The following NAV1 variants were observed in gnomAD, a reference collection of about 807,000 sequenced individuals.
NAV1 encodes the protein pore membrane and/or filament interacting like protein 3.
A neutral mutation model predicts 175.2 loss-of-function variants in NAV1; 18 were observed. The ratio of observed to expected loss-of-function variants is 0.10; its 90% confidence interval spans 0.07 to 0.15. NAV1 has a LOEUF of 0.15. Among genes scored for constraint, NAV1 ranks in the 10% least tolerant of loss-of-function variants. NAV1 has a pLI of 1.00. For missense variants in NAV1, 1,731 were observed against 2,436.6 expected (o/e 0.71, Z 6.10); for synonymous variants, 897 against 978.7 (o/e 0.92, Z 1.56).
rs144213125 is a variant in NAV1, at chr1:201,759,609, A to T, written c.1227-20812A>T. 1.2e-3 allele frequency among the ~76,000 whole-genome samples: 176 copies of T among 152,332 alleles called. 1 individual carries two copies. Among genetic ancestry groups the T allele is most frequent in the Admixed American group, 4.5e-3 (69 of 15,300 alleles). On this transcript the variant is annotated intron_variant, in intron 3 of 29. Transcript: ENST00000367296. ...ATGCTTGTCCAGCAATGCAGAGGTT[A>T]TGCTGGTTATGCTTGACTGGATGGG...
At position 201,788,423 on chromosome 1, in the gene NAV1, G is replaced by T; in HGVS notation, c.2996-45G>T. 1 of 1,608,866 alleles carries T rather than the reference G, an allele frequency of 6.2e-7. No individual in the cohort carries two copies. Among genetic ancestry groups the T allele is most frequent in the Non-Finnish European group, 8.5e-7 (1 of 1,177,182 alleles). On this transcript the variant is annotated intron_variant, in intron 9 of 29. Coordinates refer to ENST00000367296, the Ensembl canonical transcript of NAV1. The surrounding 1 kb of genome is among the most constrained non-coding windows in gnomAD (Gnocchi z 5.7). ...AGCTGATGACCCTGCCTCTTTTCCT[G>T]CCCTCCTGCTCCCTCTCCTGTCCCC...
chr1:201,757,496 C>T (rs890017554), intron 3 of NAV1, among the ~76,000 whole-genome samples: 2 of 152,194 alleles, frequency 1.3e-5, no homozygotes, highest in African/African-American at 4.8e-5. Context: ...TCGAGCGATT[C>T]TTCTGCTTTT....
chr1:201,729,361 G>T (rs1250697451), intron 3 of NAV1, among the ~76,000 whole-genome samples: 1 of 152,210 alleles, frequency 6.6e-6, no homozygotes, highest in Admixed American at 6.5e-5. Flanking sequence ...AATACACTTG[G>T]TGGCCAGGCA....
chr1:201,691,639 C>T (rs951301428), intron 1 of NAV1, among the ~76,000 whole-genome samples: 1 of 152,214 alleles, frequency 6.6e-6, no homozygotes, highest in African/African-American at 2.4e-5. Flanking sequence ...AGCCCAGTCC[C>T]TGTTCCATGG....
exon 1 of NAV1, chr1:201,623,161 G>T (rs1401746030): frequency 1.0e-6 from 1 of 986,014 alleles, no homozygotes; most frequent in Non-Finnish European, 1.2e-6. Flanking sequence ...TGAGGATGGG[G>T]AAGGCCCCTT....
chr1:201,823,533 A>T (rs964587613), exon 30 of NAV1: 4 of 152,190 alleles, frequency 2.6e-5, no homozygotes, highest in Non-Finnish European at 5.9e-5. Context: ...TTAAGTACCC[A>T]TGTCTTTTTC....
chr1:201,630,262 A>G (rs185876516), intron 2 of NAV1, among the ~76,000 whole-genome samples: 6 of 152,354 alleles, frequency 3.9e-5, no homozygotes, highest in African/African-American at 1.4e-4. Context: ...CCAGGGGTAC[A>G]TGAGGCTGCA....
chr1:201,614,493 G>A (rs1667945408), intron 2 of NAV1, among the ~76,000 whole-genome samples: 1 of 152,206 alleles, frequency 6.6e-6, no homozygotes, highest in Non-Finnish European at 1.5e-5. Flanking sequence ...ACTGGTGCTC[G>A]CCTTCCTTTC....
chr1:201,600,565 G>A (rs903391230), intron 2 of NAV1, among the ~76,000 whole-genome samples: 1 of 152,178 alleles, frequency 6.6e-6, no homozygotes, highest in African/African-American at 2.4e-5. Flanking sequence ...TCTAAAATTA[G>A]GGGAAACTGG....
intron 2 of NAV1, among the ~76,000 whole-genome samples, chr1:201,611,088 T>G (rs932747562): frequency 1.3e-5 from 2 of 152,154 alleles, no homozygotes; most frequent in Non-Finnish European, 2.9e-5. Context: ...TCCCAGCCAG[T>G]AGACCTCAGC....
intron 1 of NAV1, among the ~76,000 whole-genome samples, chr1:201,697,835 T>A (rs1047930983): frequency 3.9e-5 from 6 of 152,210 alleles, no homozygotes; most frequent in African/African-American, 1.4e-4. Flanking sequence ...GAGCACCCAC[T>A]GTGTTTGAGG....
intron 1 of NAV1, among the ~76,000 whole-genome samples, chr1:201,689,791 G>A (rs972605714): frequency 3.3e-5 from 5 of 152,206 alleles, no homozygotes; most frequent in African/African-American, 1.2e-4. Flanking sequence ...ATGTGCGATT[G>A]GGGGAGTGCG....
chr1:201,618,431 G>A (rs1668065658), upstream of NAV1, among the ~76,000 whole-genome samples: 1 of 152,126 alleles, frequency 6.6e-6, no homozygotes, highest in Admixed American at 6.5e-5. Flanking sequence ...AAGGAAAAGA[G>A]CCCTCCCCAA....
At chr1:201,716,118 T>C (rs1361465179) in intron 2 of NAV1, among the ~76,000 whole-genome samples, 1 of 152,062 alleles carries the variant, frequency 6.6e-6, no homozygotes, top group Non-Finnish European at 1.5e-5. Flanking sequence ...AGATGCTGAG[T>C]GCAGCCCTCA....
chr1:201,656,382 A>G (rs1669403879), intron 1 of NAV1, among the ~76,000 whole-genome samples: 1 of 152,116 alleles, frequency 6.6e-6, no homozygotes, highest in Admixed American at 6.5e-5. Context: ...GTTGGTTCTT[A>G]TGGAATCTCA....
intron 1 of NAV1, among the ~76,000 whole-genome samples, chr1:201,705,147 G>A (rs599830): frequency 0.057 from 8,636 of 152,124 alleles, 328 homozygotes; most frequent in South Asian, 0.15. Flanking sequence ...TTGTCCACCC[G>A]GCATGCCCTG....
rs1676652751 is a variant in NAV1 at position 201,785,280 on chromosome 1, CTCTTTTT to C, written c.2805-28_2805-22del. 7 of 1,438,684 alleles carry C rather than the reference CTCTTTTT, an allele frequency of 4.9e-6. No homozygotes were observed. The highest frequency in any genetic ancestry group is 4.7e-5 in the African/African-American group (2 of 42,980). 89.1% of individuals were successfully genotyped at this position (1,438,684 alleles called of 1,614,324 possible). On this transcript the variant is annotated intron_variant, in intron 7 of 29. Transcript: ENST00000367296. ...TGGACCCACATGCTTCTCTCTCTCT[CTCTTTTT>C]TTTTTTTTTTTTATCTCCACAGTAA...
At chr1:201,587,459 G>T (rs943108566) in intron 1 of NAV1, among the ~76,000 whole-genome samples, 2 of 151,990 alleles carry the variant, frequency 1.3e-5, no homozygotes, top group Admixed American at 1.3e-4. Flanking sequence ...GCCAAGGGGG[G>T]TGGGTTGTTT....
intron 1 of NAV1, among the ~76,000 whole-genome samples, chr1:201,693,410 C>T (rs1671040215): frequency 6.6e-6 from 1 of 152,218 alleles, no homozygotes; most frequent in South Asian, 2.1e-4. Context: ...CACTCACCAT[C>T]ACTCGGGCAG....
Sources: gnomAD v4.1 joint callset for allele counts (sites outside exome capture counted in the v4.1 genomes callset) on GRCh38, gnomAD v4.1.1 for gene constraint, Gnocchi (gnomAD v3.1) non-coding constraint, MANE v1.5 for transcripts, NCBI Gene and HGNC (gene_info 2026-07-23, HGNC 2026-07-21) for gene names.